RCAN2: variants seen among roughly 807,000 people sequenced by gnomAD.
The protein encoded by RCAN2 is calcipressin-2.
RCAN2 carries 9 observed loss-of-function variants against 23.6 expected under a neutral mutation model. The ratio of observed to expected loss-of-function variants is 0.38; its 90% CI spans 0.23 to 0.67. RCAN2 has a LOEUF of 0.67. Among genes scored for constraint, RCAN2 ranks in the 30% least tolerant of loss-of-function variants. The probability of loss-of-function intolerance (pLI) is 0.51; values close to 1 mark genes in which losing one functional copy is unlikely to be tolerated. For synonymous variants in RCAN2, 109 were observed against 115.7 expected (o/e 0.94, Z 0.37); for missense variants, 273 against 302.3 (o/e 0.90, Z 0.72).
rs986185849 is a variant in RCAN2 at position 46,456,968 on chromosome 6, T to G, written c.9A>C (p.Gly3=). The G allele has an allele frequency of 7.7e-6, 12 of 1,549,322 alleles. No homozygotes were observed. In the African/African-American group the frequency reaches 1.5e-4, roughly 19 times the overall value. The change falls in exon 2 of 5, where the codon GGA becomes GGC. Residue 3 remains glycine, a synonymous_variant. Transcript: ENST00000371374. MR[G]ESYFIGMRSP... Reference sequence around the variant, plus strand: ...TCCTCATTCCGATGAAGTATGATTCTCCCCTCATTCCTGGGGATACAAAGA... The same window carrying G: ...TCCTCATTCCGATGAAGTATGATTCGCCCCTCATTCCTGGGGATACAAAGA...
intron 2 of RCAN2, among the ~76,000 whole-genome samples, chr6:46,444,269 G>C (rs1427454887): frequency 6.6e-6 from 1 of 152,154 alleles, no homozygotes; most frequent in Non-Finnish European, 1.5e-5. Context: ...ACCCAGAGCA[G>C]ACCATTAGTG....
chr6:46,480,719 G>T (rs1033243157), intron 1 of RCAN2, among the ~76,000 whole-genome samples: 1 of 151,862 alleles, frequency 6.6e-6, no homozygotes, highest in Non-Finnish European at 1.5e-5. Flanking sequence ...TCTGCCTCCT[G>T]GGTTCACGCC....
intron 2 of RCAN2, among the ~76,000 whole-genome samples, chr6:46,252,398 C>T (rs7753026): frequency 6.6e-6 from 1 of 152,152 alleles, no homozygotes; most frequent in African/African-American, 2.4e-5. Flanking sequence ...AATTTCTCCT[C>T]GATCGTTAGT....
chr6:46,459,460 A>G (rs1047208190), intron 1 of RCAN2, among the ~76,000 whole-genome samples: 3 of 152,230 alleles, frequency 2.0e-5, no homozygotes, highest in African/African-American at 7.2e-5. Context: ...ATCTACTCAA[A>G]TAGCCTTAAT....
intron 2 of RCAN2, among the ~76,000 whole-genome samples, chr6:46,320,697 G>A (rs1763586328): frequency 6.6e-6 from 1 of 152,154 alleles, no homozygotes; most frequent in African/African-American, 2.4e-5. Context: ...TAGGATTTAT[G>A]AGTGACCTTA....
chr6:46,294,805 A>T (rs972272451), intron 2 of RCAN2, among the ~76,000 whole-genome samples: 10 of 152,188 alleles, frequency 6.6e-5, no homozygotes, highest in Non-Finnish European at 1.5e-4. Context: ...GATAATGAAA[A>T]CTTTTTGTTA....
At chr6:46,355,873 A>G (rs899117892) in intron 2 of RCAN2, among the ~76,000 whole-genome samples, 1 of 152,176 alleles carries the variant, frequency 6.6e-6, no homozygotes, top group Admixed American at 6.5e-5. Flanking sequence ...AATAATGGGG[A>G]TATTTCCAGG....
intron 2 of RCAN2, among the ~76,000 whole-genome samples, chr6:46,377,640 T>A (rs1450817173): frequency 6.6e-6 from 1 of 152,206 alleles, no homozygotes; most frequent in East Asian, 1.9e-4. Context: ...TTAGGTGGCA[T>A]AAATGAGAAC....
chr6:46,314,215 A>T (rs1763352269), intron 2 of RCAN2, among the ~76,000 whole-genome samples: 1 of 152,168 alleles, frequency 6.6e-6, no homozygotes, highest in East Asian at 1.9e-4. Flanking sequence ...CACAAAAATT[A>T]GCCAGGCCTG....
chr6:46,237,799 G>A (rs745321963), intron 4 of RCAN2, among the ~76,000 whole-genome samples: 1 of 152,180 alleles, frequency 6.6e-6, no homozygotes, highest in Non-Finnish European at 1.5e-5. Context: ...GCTCATGCTT[G>A]GAACCCTATG....
chr6:46,233,927 C>T (rs1438934239), intron 4 of RCAN2, among the ~76,000 whole-genome samples: 1 of 152,062 alleles, frequency 6.6e-6, no homozygotes, highest in Admixed American at 6.6e-5. Context: ...CGGGGTTTCA[C>T]CATATTGGCC....
chr6:46,468,883 C>T, intron 1 of RCAN2: 1 of 982,468 alleles, frequency 1.0e-6, no homozygotes, highest in Non-Finnish European at 1.2e-6. Context: ...ATCCGGAAGG[C>T]TGAGTGTTTT....
intron 2 of RCAN2, among the ~76,000 whole-genome samples, chr6:46,333,521 C>A (rs1335315892): frequency 1.3e-5 from 2 of 152,160 alleles, no homozygotes; most frequent in Admixed American, 6.5e-5. Flanking sequence ...ATCTTTGGGA[C>A]ACATTTTAGA....
chr6:46,386,308 C>G (rs898695637), intron 2 of RCAN2, among the ~76,000 whole-genome samples: 1 of 151,788 alleles, frequency 6.6e-6, no homozygotes, highest in East Asian at 1.9e-4. Context: ...CAAATCAAAA[C>G]CACAAGGAGG....
chr6:46,488,262 T>C (rs1015457504), intron 1 of RCAN2, among the ~76,000 whole-genome samples: 1 of 152,226 alleles, frequency 6.6e-6, no homozygotes, highest in African/African-American at 2.4e-5. Flanking sequence ...ACGCAAGATA[T>C]CCTCTCTTTG....
chr6:46,284,616 G>C (rs1330157419), intron 2 of RCAN2, among the ~76,000 whole-genome samples: 1 of 152,186 alleles, frequency 6.6e-6, no homozygotes, highest in Non-Finnish European at 1.5e-5. Flanking sequence ...ATTCCTAAGT[G>C]GTCCTCAAGC....
chr6:46,343,033 A>G (rs139691595), intron 2 of RCAN2, among the ~76,000 whole-genome samples: 39 of 152,336 alleles, frequency 2.6e-4, no homozygotes, highest in African/African-American at 7.2e-4. Context: ...CAAATCGATT[A>G]AAGATATTAA....
intron 2 of RCAN2, among the ~76,000 whole-genome samples, chr6:46,251,769 A>T (rs1229935747): frequency 6.6e-6 from 1 of 152,222 alleles, no homozygotes; most frequent in Admixed American, 6.5e-5. Context: ...ATTGGCAGAC[A>T]TCGAGAACAT....
rs1763146928 is a variant in RCAN2 at position 46,308,681 on chromosome 6, G to C, written c.226-59785C>G. Among the ~76,000 whole-genome samples, 7 of 152,300 alleles carry C rather than the reference G, an allele frequency of 4.6e-5. No homozygotes were observed. In the South Asian group the frequency reaches 1.4e-3, roughly 32 times the overall value. ...GGAGAAGACCCATATTTAGTCAGGAGAAGAAGACCTGGAAATGTGGTCAGG... is the reference window on the plus strand; with the variant it reads ...GGAGAAGACCCATATTTAGTCAGGACAAGAAGACCTGGAAATGTGGTCAGG... On this transcript the variant is annotated intron_variant, in intron 2 of 4. Coordinates refer to ENST00000371374, the MANE Select transcript of RCAN2 (RefSeq NM_001251974.2).
Sources: gnomAD v4.1 joint callset for allele counts (sites outside exome capture counted in the v4.1 genomes callset) on GRCh38, gnomAD v4.1.1 for gene constraint, MANE v1.5 for transcripts, NCBI Gene and HGNC (gene_info 2026-07-23, HGNC 2026-07-21) for gene names.